Variants in COL28A1 observed in about 807,000 individuals in gnomAD.
The protein encoded by COL28A1 is collagen type XXVIII alpha 1 chain, also known as collagen alpha-1(XXVIII) chain.
COL28A1 carries 161 observed loss-of-function variants against 150.2 expected under a neutral mutation model. The ratio of observed to expected loss-of-function variants is 1.07; its 90% CI spans 0.94 to 1.22. The LOEUF is 1.22. Ranked by LOEUF, COL28A1 falls within the 50% of genes most tolerant of loss-of-function variation. The probability of loss-of-function intolerance (pLI) is 0.00; values close to 1 mark genes in which losing one functional copy is unlikely to be tolerated. For synonymous variants in COL28A1, 552 were observed against 469.7 expected, an observed-to-expected ratio of 1.18 and a Z score of -2.26; for missense variants, 1,617 against 1,388.3, an observed-to-expected ratio of 1.16 and a Z score of -2.62.
intron 27 of COL28A1, among the ~76,000 whole-genome samples, chr7:7,397,404 C>T (rs947882849): frequency 6.6e-6 from 1 of 152,134 alleles, no homozygotes; most frequent in Non-Finnish European, 1.5e-5. Context: ...ATTCCTTCTG[C>T]CATTTAAGGT....
chr7:7,522,799 T>C (rs1781798361), intron 4 of COL28A1, among the ~76,000 whole-genome samples: 2 of 57,216 alleles, frequency 3.5e-5, no homozygotes, highest in African/African-American at 1.8e-4. Flanking sequence ...TAACGATAGC[T>C]GAAGAGCAAA....
intron 27 of COL28A1, among the ~76,000 whole-genome samples, chr7:7,403,768 C>T (rs1050594339): frequency 6.6e-6 from 1 of 152,100 alleles, no homozygotes; most frequent in African/African-American, 2.4e-5. Flanking sequence ...ATGCTACAGT[C>T]CAGATATAAA....
At chr7:7,539,730 T>C (rs1270985612), upstream of COL28A1, among the ~76,000 whole-genome samples, 1 of 152,180 alleles carries the variant, frequency 6.6e-6, no homozygotes, top group Non-Finnish European at 1.5e-5. Context: ...ATTGAGTTGA[T>C]CCTTCCACAT....
chr7:7,368,739 G>C (rs1289975474), intron 33 of COL28A1, among the ~76,000 whole-genome samples: 1 of 152,174 alleles, frequency 6.6e-6, no homozygotes, highest in Non-Finnish European at 1.5e-5. Flanking sequence ...CCAAACACCA[G>C]ATTTTAGACT....
chr7:7,402,158 C>T (rs369150433), intron 27 of COL28A1, among the ~76,000 whole-genome samples: 1 of 152,224 alleles, frequency 6.6e-6, no homozygotes, highest in East Asian at 1.9e-4. Context: ...CAGCTGGCTA[C>T]TCTGGGAAAC....
chr7:7,469,499 A>T, intron 15 of COL28A1, among the ~76,000 whole-genome samples: 1 of 56,726 alleles, frequency 1.8e-5, no homozygotes. Flanking sequence ...GCTCATGGGT[A>T]GGAAGAATCA....
At chr7:7,470,841 C>T (rs1194169680) in intron 15 of COL28A1, among the ~76,000 whole-genome samples, 1 of 128,724 alleles carries the variant, frequency 7.8e-6, no homozygotes, top group Non-Finnish European at 1.6e-5. Flanking sequence ...AACCATCATT[C>T]TCAGTAAACT....
chr7:7,393,749 T>C (rs1427128151), intron 27 of COL28A1, among the ~76,000 whole-genome samples: 3 of 152,102 alleles, frequency 2.0e-5, no homozygotes, highest in East Asian at 1.9e-4. Context: ...TTTCTTTACA[T>C]TGTGAGGGGA....
At chr7:7,453,130 C>T (rs1786844874) in intron 17 of COL28A1, among the ~76,000 whole-genome samples, 1 of 152,146 alleles carries the variant, frequency 6.6e-6, no homozygotes, top group Non-Finnish European at 1.5e-5. Context: ...AATTAGCCAA[C>T]CTAGAGAGAC....
At chr7:7,420,013 A>ATG in intron 25 of COL28A1, 60 bp from the exon 26 acceptor site, 1 of 1,135,002 alleles carries the variant, frequency 8.8e-7, no homozygotes, top group East Asian at 2.7e-5. Flanking sequence ...GTTTTTTTCA[A>ATG]TATATATATT....
chr7:7,510,278 G>C (rs1273982126), intron 9 of COL28A1, among the ~76,000 whole-genome samples: 1 of 151,624 alleles, frequency 6.6e-6, no homozygotes, highest in African/African-American at 2.4e-5. Flanking sequence ...TTTCATTATT[G>C]ATTGATTGAT....
chr7:7,377,817 A>AC (rs1554261390), intron 30 of COL28A1, among the ~76,000 whole-genome samples: 1 of 151,308 alleles, frequency 6.6e-6, no homozygotes, highest in Non-Finnish European at 1.5e-5. Flanking sequence ...CAAAAAAAAA[A>AC]AAAAAACCAG....
At chr7:7,484,860 C>A (rs1779536958) in intron 13 of COL28A1, among the ~76,000 whole-genome samples, 1 of 152,078 alleles carries the variant, frequency 6.6e-6, no homozygotes. Context: ...AGCGCTTATC[C>A]TTGGCAAACT....
At chr7:7,385,583 T>C (rs188948535) in intron 27 of COL28A1, among the ~76,000 whole-genome samples, 22 of 152,020 alleles carry the variant, frequency 1.4e-4, no homozygotes, top group African/African-American at 4.6e-4. Flanking sequence ...CCAATACATG[T>C]TCATGACTAA....
chr7:7,506,491 A>G (rs898680673), intron 10 of COL28A1, among the ~76,000 whole-genome samples: 1 of 152,234 alleles, frequency 6.6e-6, no homozygotes, highest in Non-Finnish European at 1.5e-5. Flanking sequence ...CAAAGAAGTT[A>G]GTGGTTAACT....
chr7:7,476,100 G>A (rs1173289615), intron 14 of COL28A1, among the ~76,000 whole-genome samples: 1 of 152,186 alleles, frequency 6.6e-6, no homozygotes, highest in Non-Finnish European at 1.5e-5. Flanking sequence ...AGGCCATACT[G>A]AGAAGGCCAT....
At chr7:7,538,904 T>C (rs1782734473), upstream of COL28A1, among the ~76,000 whole-genome samples, 1 of 152,116 alleles carries the variant, frequency 6.6e-6, no homozygotes, top group Admixed American at 6.5e-5. Flanking sequence ...ATGACCTTCG[T>C]ACCTGATTTG....
chr7:7,380,971 G>T, intron 28 of COL28A1, 109 bp from the exon 29 acceptor site: 1 of 932,842 alleles, frequency 1.1e-6, no homozygotes, highest in Non-Finnish European at 1.7e-6. Context: ...AAGACCTTCA[G>T]TTCTTGTTTA....
chr7:7,386,934 G>A (rs1195156484), intron 27 of COL28A1, among the ~76,000 whole-genome samples: 1 of 152,172 alleles, frequency 6.6e-6, no homozygotes, highest in Non-Finnish European at 1.5e-5. Flanking sequence ...TCTGGTGAGG[G>A]TCCATTTCCT....
Sources: allele counts gnomAD v4.1 joint callset (sites outside exome capture counted in the v4.1 genomes callset), GRCh38; gene constraint gnomAD v4.1.1; transcripts MANE v1.5; gene names NCBI Gene and HGNC (gene_info 2026-07-23, HGNC 2026-07-21).